The following SYT1 variants were observed in gnomAD, a reference collection of about 807,000 sequenced individuals.
SYT1 encodes the protein synaptotagmin 1.
A neutral mutation model predicts 44.8 loss-of-function variants in SYT1; 8 were observed. The observed-to-expected ratio is 0.18, with a 90% CI of 0.10 to 0.32. SYT1 has a LOEUF of 0.32. Among genes scored for constraint, SYT1 ranks in the 10% least tolerant of loss-of-function variants. The pLI, the probability that SYT1 is intolerant of heterozygous loss-of-function variation, is 1.00. For synonymous variants in SYT1, 154 were observed against 188.8 expected (o/e 0.82, Z 1.51); for missense variants, 286 against 509.3 (o/e 0.56, Z 4.22).
At chr12:78,866,146 GT>G (rs1267384345) in intron 1 of SYT1, among the ~76,000 whole-genome samples, 70 of 152,198 alleles carry the variant, frequency 4.6e-4, no homozygotes, top group African/African-American at 1.6e-3. Context: ...TAAAGCAACT[GT>G]TTAACTTTTG....
intron 2 of SYT1, among the ~76,000 whole-genome samples, chr12:78,995,576 G>T (rs1314802390): frequency 6.6e-6 from 1 of 152,204 alleles, no homozygotes; most frequent in Non-Finnish European, 1.5e-5. Flanking sequence ...TAGCAGCAAA[G>T]AAATTGTATT....
At chr12:79,181,713 C>T (rs1872557379) in intron 3 of SYT1, among the ~76,000 whole-genome samples, 1 of 152,046 alleles carries the variant, frequency 6.6e-6, no homozygotes, top group Non-Finnish European at 1.5e-5. Flanking sequence ...CACTGCTACT[C>T]AGTACTCCTG....
intron 3 of SYT1, among the ~76,000 whole-genome samples, chr12:79,182,540 T>G (rs1207305062): frequency 1.3e-5 from 2 of 152,040 alleles, no homozygotes; most frequent in African/African-American, 4.8e-5. Flanking sequence ...CAACAAAGCC[T>G]GAGAGTAAAA....
chr12:79,117,674 T>TATATATATATAC lies in SYT1; in HGVS notation c.-18+70323_-18+70324insCATATATATATA, dbSNP rs1879357509. Among the ~76,000 whole-genome samples the TATATATATATAC allele has an allele frequency of 8.5e-5, 5 of 58,804 alleles. 1 individual carries two copies. The highest frequency in any genetic ancestry group is 6.1e-4 in the Admixed American group (4 of 6,588). The allele number at this position is 58,804 out of a possible 152,430, so 38.6% of individuals were successfully genotyped here. A position where few individuals can be genotyped will look rare whatever the true frequency, so the allele number is the denominator to read the frequency against. The stretch of plus-strand genomic sequence containing the variant: ...GTGTGTATTACATCATATATATATA[T>TATATATATATAC]ATATATATATATATATATATATATA... On this transcript the variant is annotated intron_variant, in intron 3 of 10. Coordinates refer to ENST00000261205, the MANE Select transcript of SYT1 (RefSeq NM_005639.3).
intron 2 of SYT1, among the ~76,000 whole-genome samples, chr12:79,026,667 TTATATATATATATATATATA>T (rs3064320): frequency 4.9e-5 from 5 of 102,280 alleles, no homozygotes; most frequent in South Asian, 3.4e-4. Context: ...CATATATATT[TTATATATATATATATATATA>T]TATATATATA....
intron 3 of SYT1, among the ~76,000 whole-genome samples, 182 bp from the exon 4 acceptor site, chr12:79,217,321 T>G (rs1478835624): frequency 1.3e-5 from 2 of 152,212 alleles, no homozygotes; most frequent in African/African-American, 2.4e-5. Context: ...GGGGAAGAAC[T>G]CTTCACTCGC....
intron 6 of SYT1, among the ~76,000 whole-genome samples, chr12:79,294,425 A>G (rs1429944826): frequency 6.6e-6 from 1 of 152,152 alleles, no homozygotes; most frequent in Non-Finnish European, 1.5e-5. Flanking sequence ...AAAACTTCAT[A>G]AAGTTTGGAT....
At chr12:78,932,937 T>G (rs538800702) in intron 1 of SYT1, among the ~76,000 whole-genome samples, 1 of 152,164 alleles carries the variant, frequency 6.6e-6, no homozygotes, top group Non-Finnish European at 1.5e-5. Flanking sequence ...CGTCTTACTT[T>G]CATGCAAAAA....
chr12:79,259,113 A>C (rs1877691982), intron 4 of SYT1, among the ~76,000 whole-genome samples: 1 of 152,198 alleles, frequency 6.6e-6, no homozygotes, highest in Non-Finnish European at 1.5e-5. Flanking sequence ...AAACTAGGAA[A>C]TGTTTAGCAT....
chr12:79,146,753 T>C (rs1869938482), intron 3 of SYT1, among the ~76,000 whole-genome samples: 1 of 152,350 alleles, frequency 6.6e-6, no homozygotes, highest in African/African-American at 2.4e-5. Flanking sequence ...AAAGGATGTT[T>C]TCTGAACGTT....
At chr12:79,334,030 T>C (rs939196590) in intron 8 of SYT1, among the ~76,000 whole-genome samples, 3 of 152,202 alleles carry the variant, frequency 2.0e-5, no homozygotes, top group Non-Finnish European at 4.4e-5. Context: ...TTTATATTTT[T>C]ACCTTTGCTT....
intron 3 of SYT1, among the ~76,000 whole-genome samples, chr12:79,195,344 C>T (rs1292765762): frequency 6.6e-6 from 1 of 152,068 alleles, no homozygotes; most frequent in African/African-American, 2.4e-5. Flanking sequence ...AGTTTTTTCA[C>T]TCCACCAAAA....
intron 9 of SYT1, among the ~76,000 whole-genome samples, chr12:79,357,320 G>A (rs1394488027): frequency 6.6e-6 from 1 of 152,142 alleles, no homozygotes; most frequent in African/African-American, 2.4e-5. Context: ...AAATGCTTGT[G>A]AGCAACAGTG....
intron 1 of SYT1, among the ~76,000 whole-genome samples, chr12:78,901,417 G>A (rs927315390): frequency 6.6e-6 from 1 of 151,958 alleles, no homozygotes; most frequent in Admixed American, 6.6e-5. Context: ...AACACACACT[G>A]TATTTAAACC....
intron 6 of SYT1, among the ~76,000 whole-genome samples, chr12:79,293,399 A>AT (rs1879721829): frequency 1.7e-5 from 1 of 58,734 alleles, no homozygotes; most frequent in South Asian, 7.9e-4. Flanking sequence ...ATAAAATAAA[A>AT]TAAAATAAAA....
intron 1 of SYT1, among the ~76,000 whole-genome samples, chr12:78,968,882 GA>G (rs1565741451): frequency 6.6e-6 from 1 of 152,128 alleles, no homozygotes; most frequent in African/African-American, 2.4e-5. Context: ...TCATGTGTGT[GA>G]ATAAGACAAA....
At chr12:79,447,875 G>C (rs566989880) in intron 10 of SYT1, among the ~76,000 whole-genome samples, 3 of 152,194 alleles carry the variant, frequency 2.0e-5, no homozygotes, top group African/African-American at 7.2e-5. Flanking sequence ...AGCATATAAA[G>C]TCCACTAAAG....
At chr12:78,994,787 G>A (rs1027750778) in intron 2 of SYT1, among the ~76,000 whole-genome samples, 3 of 151,974 alleles carry the variant, frequency 2.0e-5, no homozygotes, top group East Asian at 3.9e-4. Flanking sequence ...CACCCGCCTC[G>A]GCCTCCCAAA....
intron 3 of SYT1, among the ~76,000 whole-genome samples, chr12:79,171,052 T>G (rs1361117252): frequency 6.6e-6 from 1 of 152,100 alleles, no homozygotes; most frequent in Non-Finnish European, 1.5e-5. Flanking sequence ...TTGGTCTATG[T>G]GTCTCTTTTG....
Sources: gnomAD v4.1 joint callset for allele counts (sites outside exome capture counted in the v4.1 genomes callset) on GRCh38, gnomAD v4.1.1 for gene constraint, MANE v1.5 for transcripts, NCBI Gene and HGNC (gene_info 2026-07-23, HGNC 2026-07-21) for gene names.